WWOX: variants seen among roughly 807,000 people sequenced by gnomAD.
The protein encoded by WWOX is WW domain-containing oxidoreductase.
In WWOX, 69 loss-of-function variants were observed where a neutral mutation model predicts 46.2. That is an observed-to-expected ratio of 1.49 (90% CI 1.23 to 1.82). The LOEUF (loss-of-function observed/expected upper bound fraction) is 1.82. Among genes scored for constraint, WWOX ranks in the 40% most tolerant of loss-of-function variants. The pLI, the probability that WWOX is intolerant of heterozygous loss-of-function variation, is 0.00. For missense variants in WWOX, 919 were observed against 542.6 expected (o/e 1.69, Z -6.89); for synonymous variants, 359 against 202.6 (o/e 1.77, Z -6.56).
chr16:78,195,591 G>A (rs1459458533), intron 5 of WWOX, among the ~76,000 whole-genome samples: 1 of 152,004 alleles, frequency 6.6e-6, no homozygotes, highest in East Asian at 1.9e-4. Flanking sequence ...GGAGGCTAAG[G>A]TGGGCGAATC....
chr16:78,881,528 C>G (rs984935379), intron 8 of WWOX, among the ~76,000 whole-genome samples: 1 of 152,130 alleles, frequency 6.6e-6, no homozygotes, highest in African/African-American at 2.4e-5. Flanking sequence ...AACTATTTGC[C>G]AGGATCCTTG....
At chr16:78,149,846 G>T (rs1466991939) in intron 4 of WWOX, among the ~76,000 whole-genome samples, 1 of 152,146 alleles carries the variant, frequency 6.6e-6, no homozygotes, top group Non-Finnish European at 1.5e-5. Flanking sequence ...TGCTTCTAGT[G>T]TGTGCTCTTA....
At chr16:79,114,096 T>G (rs1426929894) in intron 8 of WWOX, among the ~76,000 whole-genome samples, 2 of 152,116 alleles carry the variant, frequency 1.3e-5, no homozygotes, top group East Asian at 3.9e-4. Flanking sequence ...CATTTGCTAG[T>G]AAGGGTTAGA....
intron 8 of WWOX, among the ~76,000 whole-genome samples, chr16:79,210,723 T>C (rs886327436): frequency 1.3e-5 from 2 of 151,960 alleles, no homozygotes; most frequent in Admixed American, 6.5e-5. Flanking sequence ...AATTATGGCT[T>C]GCAAAGCAAA....
chr16:78,412,860 G>T (rs749914983), intron 6 of WWOX, among the ~76,000 whole-genome samples: 1 of 152,182 alleles, frequency 6.6e-6, no homozygotes, highest in Non-Finnish European at 1.5e-5. Flanking sequence ...GACCATAAAT[G>T]GGAAGAGAGA....
intron 8 of WWOX, among the ~76,000 whole-genome samples, chr16:78,541,349 C>A (rs1567631927): frequency 6.6e-6 from 1 of 150,534 alleles, no homozygotes; most frequent in Non-Finnish European, 1.5e-5. Flanking sequence ...TGGCGGGCAC[C>A]TGTAGTCCCA....
chr16:78,357,491 C>T (rs932811034), intron 5 of WWOX, among the ~76,000 whole-genome samples: 2 of 152,124 alleles, frequency 1.3e-5, no homozygotes, highest in African/African-American at 4.8e-5. Context: ...CTGTAACCTT[C>T]CTGCAACACT....
At chr16:78,801,986 C>G (rs1046556115) in intron 8 of WWOX, among the ~76,000 whole-genome samples, 1 of 152,140 alleles carries the variant, frequency 6.6e-6, no homozygotes, top group African/African-American at 2.4e-5. Flanking sequence ...GAGAATTAAC[C>G]GAGATGATGT....
intron 1 of WWOX, among the ~76,000 whole-genome samples, chr16:78,101,345 C>CTTTTTTTTTTTTTT (rs1597193223): frequency 4.0e-5 from 1 of 25,114 alleles, no homozygotes; most frequent in South Asian, 1.7e-3. Context: ...CCGCTCCCGG[C>CTTTTTTTTTTTTTT]CTTTTTTTTT....
At chr16:78,823,887 C>T (rs2051576376) in intron 8 of WWOX, among the ~76,000 whole-genome samples, 1 of 151,796 alleles carries the variant, frequency 6.6e-6, no homozygotes, top group South Asian at 2.1e-4. Context: ...GTGATCCTGC[C>T]ACCTCAGCCT....
chr16:79,087,345 T>A (rs1385283096), intron 8 of WWOX, among the ~76,000 whole-genome samples: 1 of 152,184 alleles, frequency 6.6e-6, no homozygotes, highest in Non-Finnish European at 1.5e-5. Context: ...GAAGCTAGCA[T>A]GGGCAGGGGA....
At chr16:78,631,697 G>C (rs2046436281) in intron 8 of WWOX, among the ~76,000 whole-genome samples, 2 of 151,934 alleles carry the variant, frequency 1.3e-5, no homozygotes, top group African/African-American at 4.8e-5. Context: ...ACCGTGCCTG[G>C]CTATTTTTTG....
At chr16:79,009,041 G>A (rs1160488103) in intron 8 of WWOX, among the ~76,000 whole-genome samples, 1 of 152,184 alleles carries the variant, frequency 6.6e-6, no homozygotes, top group Admixed American at 6.5e-5. Flanking sequence ...TAACTTGATT[G>A]CAAACAAGCC....
chr16:78,217,395 A>G (rs748384625), intron 5 of WWOX, among the ~76,000 whole-genome samples: 1 of 152,202 alleles, frequency 6.6e-6, no homozygotes. Context: ...TGCTAAAGAT[A>G]TAAAGTAGAA....
chr16:78,170,199 G>A (rs541824397), intron 5 of WWOX, among the ~76,000 whole-genome samples: 8 of 152,192 alleles, frequency 5.3e-5, no homozygotes, highest in African/African-American at 1.7e-4. Flanking sequence ...TCATAACCAC[G>A]GCTATAAAAC....
intron 8 of WWOX, among the ~76,000 whole-genome samples, chr16:78,884,992 C>T (rs1017154566): frequency 3.9e-5 from 6 of 152,182 alleles, no homozygotes; most frequent in Non-Finnish European, 8.8e-5. Context: ...AGCCATCTAG[C>T]CCTCAGCTGT....
intron 5 of WWOX, among the ~76,000 whole-genome samples, chr16:78,244,815 TTTTCTTTCCCCCTTGGAGTTCTG>T (rs1339637345): frequency 1.3e-5 from 2 of 152,158 alleles, no homozygotes; most frequent in African/African-American, 4.8e-5. Flanking sequence ...AAAAAAAGTG[TTTTCTTTCCCCCTTGGAGTTCTG>T]TTTCTTCTTA....
chr16:78,636,026 G>T (rs1379931096), intron 8 of WWOX, among the ~76,000 whole-genome samples: 2 of 152,144 alleles, frequency 1.3e-5, no homozygotes, highest in African/African-American at 4.8e-5. Flanking sequence ...GTAGATGGAC[G>T]GTCCTTATGC....
chr16:78,905,843 A>C (rs375213654), intron 8 of WWOX, among the ~76,000 whole-genome samples: 1 of 152,192 alleles, frequency 6.6e-6, no homozygotes, highest in African/African-American at 2.4e-5. Context: ...TGCTAGTTGC[A>C]TCAAACACGT....
Sources: gnomAD v4.1 joint callset for allele counts (sites outside exome capture counted in the v4.1 genomes callset) on GRCh38, gnomAD v4.1.1 for gene constraint, MANE v1.5 for transcripts, NCBI Gene and HGNC (gene_info 2026-07-23, HGNC 2026-07-21) for gene names.